The following ABL1 variants were observed in gnomAD, a reference collection of about 807,000 sequenced individuals.
The protein encoded by ABL1 is ABL proto-oncogene 1, non-receptor tyrosine kinase.
ABL1 carries 11 observed loss-of-function variants against 94.7 expected under a neutral mutation model. That is an observed-to-expected ratio of 0.12 (90% CI 0.07 to 0.19). The LOEUF (loss-of-function observed/expected upper bound fraction) is 0.19, where lower values mean the gene tolerates loss of function less well. ABL1 is among the 10% of genes least tolerant of loss of function. The pLI, the probability that ABL1 is intolerant of heterozygous loss-of-function variation, is 1.00. For synonymous variants in ABL1, 656 were observed against 622.4 expected (o/e 1.05, Z -0.80); for missense variants, 1,082 against 1,489.4 (o/e 0.73, Z 4.50).
chr9:130,763,920 G>A (rs993080299), intron 1 of ABL1, among the ~76,000 whole-genome samples: 3 of 152,132 alleles, frequency 2.0e-5, no homozygotes, highest in Non-Finnish European at 2.9e-5. Context: ...CATCATAATG[G>A]CACGTGTACC....
rs1007810168 is a variant in ABL1, at chr9:130,808,804, A to G, written c.137-45260A>G. On this transcript the variant is annotated intron_variant, in intron 1 of 10. Coordinates refer to the ABL1 transcript ENST00000372348. Reference sequence around the variant, plus strand: ...AAAACTGAACTCTTAAAATTCTTACATTTGTGTCCACACATGATTGGCTAA... The same window carrying G: ...AAAACTGAACTCTTAAAATTCTTACGTTTGTGTCCACACATGATTGGCTAA... Among the ~76,000 whole-genome samples the G allele has an allele frequency of 5.3e-5, 8 of 152,128 alleles. No homozygotes were observed. The South Asian group carries it at 1.0e-3, about 20-fold the overall frequency.
intron 1 of ABL1, among the ~76,000 whole-genome samples, chr9:130,776,403 C>T (rs570320486): frequency 6.6e-6 from 1 of 152,308 alleles, no homozygotes; most frequent in African/African-American, 2.4e-5. Context: ...CGAGACCAGC[C>T]TGGCCAACAT....
intron 1 of ABL1, among the ~76,000 whole-genome samples, chr9:130,839,307 G>A (rs1056423151): frequency 6.6e-6 from 1 of 152,122 alleles, no homozygotes; most frequent in Non-Finnish European, 1.5e-5. Context: ...TGCTTCATGT[G>A]GTGCCAGCCA....
rs1002305388 is a variant in ABL1, at chr9:130,854,925, C to G, written c.378C>G (p.Ser126=). ...ITPVNSLEKH[S]WYHGPVSRNA... is the part of the protein sequence containing the mutation. ...CAGTCAACAGTCTGGAGAAACACTC[C>G]TGGTACCATGGGCCTGTGTCCCGCA... is the stretch of plus-strand genomic sequence containing the variant. The change falls in exon 3 of 11, where the codon TCC becomes TCG. Residue 126 remains serine, a synonymous_variant. Coordinates refer to ENST00000318560, the MANE Select transcript of ABL1 (RefSeq NM_005157.6). The G allele has an allele frequency of 6.2e-7, 1 of 1,614,220 alleles. No homozygotes were observed. The highest frequency in any genetic ancestry group is 8.5e-7 in the Non-Finnish European group (1 of 1,180,044).
At chr9:130,745,138 G>A (rs999828062) in intron 1 of ABL1, among the ~76,000 whole-genome samples, 4 of 151,018 alleles carry the variant, frequency 2.6e-5, no homozygotes, top group African/African-American at 9.7e-5. Context: ...AGGCTGGAGG[G>A]CAATGGTGTG....
At chr9:130,770,185 CT>C (rs918186048) in intron 1 of ABL1, among the ~76,000 whole-genome samples, 9 of 145,322 alleles carry the variant, frequency 6.2e-5, no homozygotes, top group Admixed American at 1.4e-4. Context: ...CTCTCTCTCT[CT>C]TTTTTTTTTA....
upstream of ABL1, among the ~76,000 whole-genome samples, chr9:130,830,736 C>G (rs1253384654): frequency 6.6e-6 from 1 of 152,218 alleles, no homozygotes; most frequent in Non-Finnish European, 1.5e-5. Flanking sequence ...TTTGGGCACT[C>G]TCCCTACATG....
In ABL1 at chr9:130,728,373, T is replaced by G. The variant is rs1236554371; in HGVS notation, c.136+13918T>G. Among the ~76,000 whole-genome samples, 192 of 150,140 alleles carry G rather than the reference T, an allele frequency of 1.3e-3. 1 individual carries two copies. The highest frequency in any genetic ancestry group is 4.4e-3 in the African/African-American group (181 of 40,720). On this transcript the variant is annotated intron_variant, in intron 1 of 10. Coordinates refer to the ABL1 transcript ENST00000372348. ...GTGAGCCACTGTACCTGGCTGGTTT[T>G]TTTTTTTTTTCTTTTCTTTCCTTTT...
At chr9:130,868,033 C>T (rs1448531946) in intron 4 of ABL1, among the ~76,000 whole-genome samples, 1 of 151,754 alleles carries the variant, frequency 6.6e-6, no homozygotes, top group Non-Finnish European at 1.5e-5. Flanking sequence ...GATCTCGGCT[C>T]ACCGCAAGCT....
chr9:130,846,083 G>GTC (rs1830765258), intron 1 of ABL1, among the ~76,000 whole-genome samples: 2 of 86,216 alleles, frequency 2.3e-5, no homozygotes, highest in Non-Finnish European at 4.4e-5. Flanking sequence ...ACGTATGTCT[G>GTC]TGTGTGTGTG....
intron 1 of ABL1, among the ~76,000 whole-genome samples, chr9:130,796,822 C>T (rs1190488999): frequency 6.9e-6 from 1 of 144,730 alleles, no homozygotes; most frequent in Non-Finnish European, 1.5e-5. Flanking sequence ...CAGGAGGCTG[C>T]GGCAGGAGAA....
At chr9:130,857,547 C>G (rs1830994072) in intron 3 of ABL1, among the ~76,000 whole-genome samples, 1 of 152,076 alleles carries the variant, frequency 6.6e-6, no homozygotes, top group East Asian at 1.9e-4. Flanking sequence ...GTCTGTCTAT[C>G]CGTATGCCAG....
chr9:130,837,911 G>C (rs1203033382), intron 1 of ABL1, among the ~76,000 whole-genome samples: 1 of 152,170 alleles, frequency 6.6e-6, no homozygotes, highest in African/African-American at 2.4e-5. Flanking sequence ...GGAGAGAATT[G>C]AATGAGATCA....
At chr9:130,741,435 G>A (rs540740589) in intron 1 of ABL1, among the ~76,000 whole-genome samples, 15 of 151,558 alleles carry the variant, frequency 9.9e-5, no homozygotes, top group African/African-American at 2.7e-4. Context: ...AACAGTTACC[G>A]CACTGATGCA....
intron 1 of ABL1, among the ~76,000 whole-genome samples, chr9:130,726,676 G>A (rs1831590860): frequency 6.6e-6 from 1 of 151,832 alleles, no homozygotes; most frequent in Non-Finnish European, 1.5e-5. Context: ...GTCTTGCTAT[G>A]TTGCCCAGGA....
At chr9:130,750,190 T>A (rs528027576) in intron 1 of ABL1, among the ~76,000 whole-genome samples, 3,564 of 51,080 alleles carry the variant, frequency 0.07, 204 homozygotes, top group African/African-American at 0.27. Context: ...AAAAAAAAAA[T>A]ACATATATAT....
Position 130,718,058 on chromosome 9 carries a change from C to T in ABL1, c.136+3603C>T, listed in dbSNP as rs180723788. Among the ~76,000 whole-genome samples, 243 of 151,356 alleles carry T rather than the reference C, an allele frequency of 1.6e-3. 1 individual carries two copies. The highest frequency in any genetic ancestry group is 5.7e-3 in the African/African-American group (233 of 41,156). ...CCTGGCTGGGTGTGGTGGCTCACGC[C>T]TGTAATCCGAGCACTTTGGGAGGAT... On this transcript the variant is annotated intron_variant, in intron 1 of 10. Transcript: ENST00000372348.
intron 1 of ABL1, among the ~76,000 whole-genome samples, chr9:130,737,714 T>G (rs187746624): frequency 6.4e-4 from 97 of 152,162 alleles, no homozygotes; most frequent in East Asian, 1.9e-4. Flanking sequence ...CTGAGACTAG[T>G]GAAAAAGTCA....
At chr9:130,819,718 T>A (rs1256040910) in intron 1 of ABL1, among the ~76,000 whole-genome samples, 1 of 151,792 alleles carries the variant, frequency 6.6e-6, no homozygotes, top group Non-Finnish European at 1.5e-5. Context: ...TTTTTTTGTA[T>A]TTTTAGTAGA....
Sources: gnomAD v4.1 joint callset for allele counts (sites outside exome capture counted in the v4.1 genomes callset) on GRCh38, gnomAD v4.1.1 for gene constraint, MANE v1.5 for transcripts, NCBI Gene and HGNC (gene_info 2026-07-23, HGNC 2026-07-21) for gene names.